KCND3: variants seen among roughly 807,000 people sequenced by gnomAD.
KCND3 encodes A-type voltage-gated potassium channel KCND3.
In KCND3, 9 loss-of-function variants were observed where a neutral mutation model predicts 51.1. The observed-to-expected ratio is 0.18, with a 90% confidence interval of 0.11 to 0.31. The LOEUF (loss-of-function observed/expected upper bound fraction) is 0.31. KCND3 is among the 10% of genes least tolerant of loss of function. The pLI is 1.00. For synonymous variants in KCND3, 349 were observed against 368.0 expected (o/e 0.95, Z 0.59); for missense variants, 526 against 903.8 (o/e 0.58, Z 5.36).
intron 2 of KCND3, among the ~76,000 whole-genome samples, chr1:111,925,704 ACAAG>A (rs1671666096): frequency 6.6e-6 from 1 of 152,144 alleles, no homozygotes; most frequent in Admixed American, 6.5e-5. Context: ...TTCTCTTGTC[ACAAG>A]TCCAGTGTTT....
At chr1:111,844,656 A>T (rs931957041) in intron 2 of KCND3, among the ~76,000 whole-genome samples, 1 of 152,110 alleles carries the variant, frequency 6.6e-6, no homozygotes, top group Non-Finnish European at 1.5e-5. Flanking sequence ...TTCACTTGAG[A>T]CAGAAGATCT....
chr1:111,888,951 C>T (rs1387781488), intron 2 of KCND3, among the ~76,000 whole-genome samples: 3 of 152,106 alleles, frequency 2.0e-5, no homozygotes, highest in African/African-American at 7.2e-5. Context: ...TGGCACTCAC[C>T]GGGAGCAGCT....
chr1:111,887,311 A>G (rs138759355), intron 2 of KCND3, among the ~76,000 whole-genome samples: 2 of 152,206 alleles, frequency 1.3e-5, no homozygotes, highest in East Asian at 3.9e-4. Flanking sequence ...AGAAAATACA[A>G]CTCTGGCAGG....
intron 2 of KCND3, among the ~76,000 whole-genome samples, chr1:111,956,470 G>A (rs1162133142): frequency 6.6e-6 from 1 of 152,160 alleles, no homozygotes; most frequent in African/African-American, 2.4e-5. Flanking sequence ...TTTCTCTCAG[G>A]CTGATGCTAT....
chr1:111,921,763 T>C (rs901736610), intron 2 of KCND3, among the ~76,000 whole-genome samples: 1 of 152,176 alleles, frequency 6.6e-6, no homozygotes, highest in African/African-American at 2.4e-5. Flanking sequence ...TCCCAGGCCT[T>C]TGTTAGGAGG....
intron 2 of KCND3, among the ~76,000 whole-genome samples, chr1:111,845,440 C>T (rs1390526054): frequency 2.0e-5 from 3 of 152,166 alleles, no homozygotes; most frequent in Admixed American, 2.0e-4. Context: ...CTTGGCATGT[C>T]CAGCTACCTA....
chr1:111,820,262 A>G (rs1003706681), intron 2 of KCND3, among the ~76,000 whole-genome samples: 4 of 152,090 alleles, frequency 2.6e-5, no homozygotes, highest in African/African-American at 7.2e-5. Flanking sequence ...TGCTGGTTCT[A>G]CCTGTCAAAA....
rs750895805 is a variant in KCND3 at position 111,982,357 on chromosome 1, G to A, written c.370C>T (p.Leu124Phe). 1.9e-6 allele frequency: 3 copies of A among 1,614,206 alleles called. No individual in the cohort carries two copies. Among genetic ancestry groups the A allele is most frequent in the Non-Finnish European group, 1.7e-6 (2 of 1,180,054 alleles). ...CAGCAGTCCCCGATGATCTCCGGGA[G>A]GATGCCGTAGAAGGCCAGCTCGTCG... Reference protein sequence around the residue: ...YDDELAFYGILPEIIGDCCYE... With the variant: ...YDDELAFYGIFPEIIGDCCYE... Residue 124 changes from leucine (L) to phenylalanine (F), a missense_variant, in exon 2 of 8, where the codon CTC becomes TTC. By Grantham distance (22) the Leu-to-Phe change is conservative. Coordinates refer to ENST00000302127, the MANE Select transcript of KCND3 (RefSeq NM_001378969.1). The surrounding 1 kb of genome is among the most constrained non-coding windows in gnomAD (Gnocchi z 8.5).
chr1:111,987,440 C>T (rs1257311441), intron 1 of KCND3, among the ~76,000 whole-genome samples: 1 of 152,206 alleles, frequency 6.6e-6, no homozygotes, highest in Non-Finnish European at 1.5e-5. Flanking sequence ...AGAGGCTCAG[C>T]CCCTGTCCCC....
At chr1:111,781,807 C>T (rs879605017) in intron 3 of KCND3, among the ~76,000 whole-genome samples, 1 of 152,210 alleles carries the variant, frequency 6.6e-6, no homozygotes, top group Non-Finnish European at 1.5e-5. Context: ...GAACACATTA[C>T]ATATGCTGGC....
chr1:111,801,427 T>G (rs764771026), intron 2 of KCND3, among the ~76,000 whole-genome samples: 2 of 152,220 alleles, frequency 1.3e-5, no homozygotes, highest in African/African-American at 4.8e-5. Context: ...CAAACTCTTA[T>G]GGCCAGAGTC....
intron 2 of KCND3, among the ~76,000 whole-genome samples, chr1:111,822,526 G>A (rs563297431): frequency 1.3e-5 from 2 of 152,162 alleles, no homozygotes; most frequent in African/African-American, 4.8e-5. Flanking sequence ...CTATGTTGTA[G>A]CATGTGTCAG....
chr1:111,828,550 C>T (rs1175940440), intron 2 of KCND3, among the ~76,000 whole-genome samples: 1 of 152,162 alleles, frequency 6.6e-6, no homozygotes, highest in African/African-American at 2.4e-5. Context: ...CTGGAAGGCT[C>T]AGAGGCATTT....
chr1:111,973,779 G>T (rs1331741498), intron 2 of KCND3, among the ~76,000 whole-genome samples: 2 of 152,172 alleles, frequency 1.3e-5, no homozygotes, highest in Non-Finnish European at 2.9e-5. Context: ...TTGTTTGATT[G>T]GACTTTCTGT....
At chr1:111,878,740 T>G (rs1247634956) in intron 2 of KCND3, among the ~76,000 whole-genome samples, 1 of 152,208 alleles carries the variant, frequency 6.6e-6, no homozygotes, top group Non-Finnish European at 1.5e-5. Flanking sequence ...GGGTAGAGAA[T>G]GCAGAGTTAG....
chr1:111,863,137 A>G (rs1160520806), intron 2 of KCND3, among the ~76,000 whole-genome samples: 2 of 152,252 alleles, frequency 1.3e-5, no homozygotes, highest in Non-Finnish European at 2.9e-5. Context: ...ATTTTGTTTC[A>G]TTAAATCTAT....
intron 2 of KCND3, among the ~76,000 whole-genome samples, chr1:111,842,435 G>A (rs36123065): frequency 6.2e-4 from 94 of 152,224 alleles, no homozygotes; most frequent in Non-Finnish European, 1.1e-3. Flanking sequence ...TCTCCCTGGA[G>A]AGGTCCAGTG....
At chr1:111,848,433 T>C (rs563354448) in intron 2 of KCND3, among the ~76,000 whole-genome samples, 118 of 152,354 alleles carry the variant, frequency 7.7e-4, no homozygotes, top group Non-Finnish European at 1.2e-3. Context: ...CCTTTCCTGA[T>C]GACTAACTCC....
In KCND3 at chr1:111,833,398, A is replaced by G. The variant is rs143342672; in HGVS notation, c.1107-46292T>C. 1.8e-4 allele frequency among the ~76,000 whole-genome samples: 28 copies of G among 152,360 alleles called. No individual in the cohort carries two copies. The East Asian group carries it at 2.9e-3, about 16-fold the overall frequency. Reference sequence around the variant, plus strand: ...TATCCTTATTGAATGGCCTTTCCCAATGAAGCCCATAGGGGCAGTCAAAGG... The same window carrying G: ...TATCCTTATTGAATGGCCTTTCCCAGTGAAGCCCATAGGGGCAGTCAAAGG... On this transcript the variant is annotated intron_variant, in intron 2 of 7. Coordinates refer to ENST00000302127, the MANE Select transcript of KCND3 (RefSeq NM_001378969.1).
Sources: allele counts gnomAD v4.1 joint callset (sites outside exome capture counted in the v4.1 genomes callset), GRCh38; gene constraint gnomAD v4.1.1; non-coding constraint Gnocchi (gnomAD v3.1); transcripts MANE v1.5; gene names NCBI Gene and HGNC (gene_info 2026-07-23, HGNC 2026-07-21).